TFEB: variants seen among roughly 807,000 people sequenced by gnomAD.
TFEB encodes the protein T-cell transcription factor EB.
Under a neutral mutation model 48.0 loss-of-function variants are expected in TFEB, and 12 were observed. The ratio of observed to expected loss-of-function variants is 0.25; its 90% CI spans 0.16 to 0.40. The LOEUF (loss-of-function observed/expected upper bound fraction) is 0.40. TFEB is among the 10% of genes least tolerant of loss of function. The probability of loss-of-function intolerance (pLI) is 1.00; values close to 1 mark genes in which losing one functional copy is unlikely to be tolerated. For synonymous variants in TFEB, 244 were observed against 261.4 expected, an observed-to-expected ratio of 0.93 and a Z score of 0.64; for missense variants, 509 against 640.3, an observed-to-expected ratio of 0.79 and a Z score of 2.21.
intron 1 of TFEB, among the ~76,000 whole-genome samples, chr6:41,722,425 A>T (rs1771020672): frequency 6.6e-6 from 1 of 152,140 alleles, no homozygotes; most frequent in African/African-American, 2.4e-5. Flanking sequence ...CAGACCCTCC[A>T]TCCTCCTCCT....
intron 1 of TFEB, 41 bp downstream of exon 1, chr6:41,735,309 C>T (rs1017808196): frequency 2.7e-5 from 27 of 984,728 alleles, no homozygotes; most frequent in Non-Finnish European, 3.0e-5. Context: ...GTCGGGGGTC[C>T]CGGGCCCTCC....
rs1414395646 is a variant in TFEB at position 41,691,168 on chromosome 6, C to T, written c.46G>A (p.Ala16Thr). Residue 16 changes from alanine to threonine, a missense_variant, in exon 2 of 9, where the codon GCG becomes ACG. By Grantham distance (58) the Ala-to-Thr change is moderately conservative. Coordinates refer to ENST00000373033, the MANE Select transcript of TFEB (RefSeq NM_001271944.2). This position sits in a 1 kb window ranked among gnomAD's most constrained non-coding sequence, Gnocchi z 5.2. Reference protein sequence around the residue: ...GLRMQLMREQAQQEEQRERMQ... With the variant: ...GLRMQLMREQTQQEEQRERMQ... Reference sequence around the variant, plus strand: ...CGCTCCCGCTGCTCCTCCTGCTGCGCCTGCTCCCGCATGAGCTGCATGCGC... The same window carrying T: ...CGCTCCCGCTGCTCCTCCTGCTGCGTCTGCTCCCGCATGAGCTGCATGCGC... 1.3e-6 allele frequency: 2 copies of T among 1,590,324 alleles called. No individual in the cohort carries two copies. The highest frequency in any genetic ancestry group is 1.7e-6 in the Non-Finnish European group (2 of 1,166,632).
intron 1 of TFEB, among the ~76,000 whole-genome samples, chr6:41,715,206 G>A (rs977503480): frequency 2.6e-5 from 4 of 152,162 alleles, no homozygotes; most frequent in Admixed American, 6.5e-5. Context: ...TCCATGTTGC[G>A]GAAGTCTGGA....
In TFEB at chr6:41,686,505, TTTC is replaced by T. The variant is rs1366000260; in HGVS notation, c.804-271_804-269del. 3.9e-3 allele frequency: 1,015 copies of T among 260,174 alleles called. 17 individuals are homozygous for T. Among genetic ancestry groups the T allele is most frequent in the African/African-American group, 0.026 (931 of 35,534 alleles). The allele number at this position is 260,174 out of a possible 1,614,324, so 16.1% of individuals were successfully genotyped here. On this transcript the variant is annotated intron_variant, in intron 7 of 8. Coordinates refer to ENST00000373033, the MANE Select transcript of TFEB (RefSeq NM_001271944.2). Reference sequence around the variant, plus strand: ...TACCAAGACTCCAGCCCAGCCTACCTTTCTTTTTTTTTTTTTTTTTTTTGAGAT... The same window carrying T: ...TACCAAGACTCCAGCCCAGCCTACCTTTTTTTTTTTTTTTTTTTTTGAGAT...
At chr6:41,702,013 G>A (rs528635245) in intron 1 of TFEB, among the ~76,000 whole-genome samples, 65 of 152,188 alleles carry the variant, frequency 4.3e-4, no homozygotes, top group African/African-American at 1.5e-3. Flanking sequence ...AGTGAAGTGG[G>A]GGTTCAAGCC....
chr6:41,692,467 TG>T (rs1276594185), intron 1 of TFEB, among the ~76,000 whole-genome samples: 1 of 152,190 alleles, frequency 6.6e-6, no homozygotes, highest in Non-Finnish European at 1.5e-5. Flanking sequence ...CACCTGGCAC[TG>T]CCAGAGCCCA....
At chr6:41,736,199 T>C (rs1272035171), upstream of TFEB, 7 of 1,612,768 alleles carry the variant, frequency 4.3e-6, no homozygotes, top group Non-Finnish European at 5.9e-6. Flanking sequence ...GCTCCTTTCA[T>C]GTCACCTTCC....
chr6:41,708,652 G>T (rs1185332379), intron 1 of TFEB, among the ~76,000 whole-genome samples: 1 of 152,228 alleles, frequency 6.6e-6, no homozygotes, highest in East Asian at 1.9e-4. Flanking sequence ...CCCTGGGGGA[G>T]CCTCCCAAAT....
rs372130833 is a variant in TFEB at position 41,696,571 on chromosome 6, G to A, written c.-22-5336C>T. On this transcript the variant is annotated intron_variant, in intron 1 of 8. Coordinates refer to ENST00000373033, the MANE Select transcript of TFEB (RefSeq NM_001271944.2). ...TAGCCGGGCGTGGTGGTGTGCACCT[G>A]TAGTCCCAGCTACTCGGGAGGCTGA... 2.0e-5 allele frequency among the ~76,000 whole-genome samples: 3 copies of A among 152,226 alleles called. No homozygotes were observed. In the East Asian group the frequency reaches 5.8e-4, roughly 29 times the overall value.
At position 41,720,336 on chromosome 6, in the gene TFEB, G is replaced by C. The variant is rs1273526676; in HGVS notation, c.-23+15014C>G. The C allele has an allele frequency of 1.3e-5, 2 of 152,182 alleles. No homozygotes were observed. The highest frequency in any genetic ancestry group is 3.9e-4 in the East Asian group (2 of 5,180). The allele number at this position is 152,182 out of a possible 1,614,324, so 9.4% of individuals were successfully genotyped here. A position where few individuals can be genotyped will look rare whatever the true frequency, so the allele number is the denominator to read the frequency against. On this transcript the variant is annotated intron_variant, in intron 1 of 8. Transcript: ENST00000373033. The surrounding 1 kb of genome is among the most constrained non-coding windows in gnomAD (Gnocchi z 4.1). ...CTGGGGATATCCCCAGCCTGCCATG[G>C]GTCACAGGCTTCTCCTCCCACTGCC... is the stretch of plus-strand genomic sequence containing the variant.
At chr6:41,687,657 A>AG in intron 6 of TFEB, 96 bp downstream of exon 6, 1 of 1,503,988 alleles carries the variant, frequency 6.6e-7, no homozygotes. Context: ...TGAGCAGGGA[A>AG]GCCTTCCACC....
intron 1 of TFEB, among the ~76,000 whole-genome samples, chr6:41,732,411 C>A (rs940029325): frequency 6.6e-6 from 1 of 152,214 alleles, no homozygotes; most frequent in Non-Finnish European, 1.5e-5. Context: ...TCACTCTAAA[C>A]ACACAATAAA....
intron 1 of TFEB, chr6:41,705,841 C>T (rs992525140): frequency 3.3e-5 from 5 of 152,364 alleles, no homozygotes; most frequent in Admixed American, 6.5e-5. Context: ...GAAAGGCCCT[C>T]GGCCCCAAAA....
At chr6:41,690,457 T>C (rs568840175) in intron 3 of TFEB, among the ~76,000 whole-genome samples, 1 of 152,350 alleles carries the variant, frequency 6.6e-6, no homozygotes, top group South Asian at 2.1e-4. Context: ...AAAGTAAGGA[T>C]GGCGTTTCCT....
chr6:41,723,355 A>G lies in TFEB; in HGVS notation c.-23+11995T>C. ...CCCCAAAGACACCACACGCATGCACATACACTCACACAGATGCACACAGGC... is the reference window on the plus strand; with the variant it reads ...CCCCAAAGACACCACACGCATGCACGTACACTCACACAGATGCACACAGGC... On this transcript the variant is annotated intron_variant, in intron 1 of 8. Coordinates refer to ENST00000373033, the MANE Select transcript of TFEB (RefSeq NM_001271944.2). The surrounding 1 kb of genome is among the most constrained non-coding windows in gnomAD (Gnocchi z 6.0). 1.4e-6 allele frequency: 1 copy of G among 707,080 alleles called. No individual in the cohort carries two copies. Among genetic ancestry groups the G allele is most frequent in the Admixed American group, 2.4e-5 (1 of 42,334 alleles). 43.8% of individuals were successfully genotyped at this position (707,080 alleles called of 1,614,324 possible). A position where few individuals can be genotyped will look rare whatever the true frequency, so the allele number is the denominator to read the frequency against.
chr6:41,713,948 C>T (rs1770596548), intron 1 of TFEB, among the ~76,000 whole-genome samples: 1 of 152,228 alleles, frequency 6.6e-6, no homozygotes. Context: ...CACAGGAACC[C>T]CCCAGCCTGA....
At chr6:41,687,036 TA>T (rs1769046037) in intron 7 of TFEB, 57 bp downstream of exon 7, 1 of 1,462,726 alleles carries the variant, frequency 6.8e-7, no homozygotes, top group Admixed American at 1.7e-5. Context: ...GGGCAGATAA[TA>T]CTTGTCAGCT....
intron 1 of TFEB, among the ~76,000 whole-genome samples, chr6:41,718,252 A>T (rs1770821541): frequency 6.6e-6 from 1 of 152,096 alleles, no homozygotes; most frequent in Non-Finnish European, 1.5e-5. Flanking sequence ...TCTGTCACCC[A>T]GGCTAGAGTG....
chr6:41,687,596 ACT>A, intron 6 of TFEB, 155 bp downstream of exon 6: 1 of 876,934 alleles, frequency 1.1e-6, no homozygotes, highest in Non-Finnish European at 1.8e-6. Flanking sequence ...CCCAGGCACC[ACT>A]GAGCGACAGC....
Sources: gnomAD v4.1 joint callset for allele counts (sites outside exome capture counted in the v4.1 genomes callset) on GRCh38, gnomAD v4.1.1 for gene constraint, Gnocchi (gnomAD v3.1) non-coding constraint, MANE v1.5 for transcripts, NCBI Gene and HGNC (gene_info 2026-07-23, HGNC 2026-07-21) for gene names.